Variants in C17orf67 observed in about 807,000 individuals in gnomAD.
C17orf67 encodes chromosome 17 open reading frame 67.
C17orf67 carries 12 observed loss-of-function variants against 11.2 expected under a neutral mutation model. The ratio of observed to expected loss-of-function variants is 1.07; its 90% CI spans 0.68 to 1.73. The LOEUF is 1.73. C17orf67 is among the 40% of genes most tolerant of loss of function. The pLI is 0.00. For synonymous variants in C17orf67, 59 were observed against 46.9 expected, an observed-to-expected ratio of 1.26 and a Z score of -1.05; for missense variants, 115 against 113.5, an observed-to-expected ratio of 1.01 and a Z score of -0.06.
chr17:56,816,603 G>A lies in C17orf67; in HGVS notation c.-200-593C>T, dbSNP rs536234710. 6.7e-4 allele frequency among the ~76,000 whole-genome samples: 102 copies of A among 152,256 alleles called. 1 individual carries two copies. Among genetic ancestry groups the A allele is most frequent in the African/African-American group, 2.2e-3 (92 of 41,542 alleles). ...TTATGGATGCCAAGGTAGAGCCTAC[G>A]TCTTCTGTCTTCAAACCTAGATCAT... On this transcript the variant is annotated intron_variant, in intron 4 of 7. Coordinates refer to ENST00000397861, the MANE Select transcript of C17orf67 (RefSeq NM_001085430.4).
At chr17:56,809,672 C>T (rs1905547522) in intron 6 of C17orf67, among the ~76,000 whole-genome samples, 1 of 144,756 alleles carries the variant, frequency 6.9e-6, no homozygotes. Context: ...TGCTCACACA[C>T]AGACCCTCAC....
chr17:56,833,391 C>T (rs1194122930), intron 1 of C17orf67, 49 bp from the exon 2 acceptor site: 1 of 152,740 alleles, frequency 6.5e-6, no homozygotes, highest in African/African-American at 2.4e-5. Flanking sequence ...TAGTCCCCGG[C>T]TCCCGCTGCT....
At chr17:56,803,721 A>G (rs1262817907) in intron 6 of C17orf67, 2 of 152,214 alleles carry the variant, frequency 1.3e-5, no homozygotes, top group African/African-American at 4.8e-5. Context: ...GGCCAAATGT[A>G]CATTAAAAGC....
chr17:56,797,596 C>T (rs571936669), intron 6 of C17orf67, among the ~76,000 whole-genome samples: 1 of 152,148 alleles, frequency 6.6e-6, no homozygotes, highest in Non-Finnish European at 1.5e-5. Flanking sequence ...TGAGGAGTGG[C>T]AGGTGTGCTA....
intron 2 of C17orf67, among the ~76,000 whole-genome samples, chr17:56,831,478 A>T (rs1906198785): frequency 6.6e-6 from 1 of 152,238 alleles, no homozygotes; most frequent in African/African-American, 2.4e-5. Flanking sequence ...AAGTGCTCAG[A>T]TGGACATAGG....
intron 4 of C17orf67, among the ~76,000 whole-genome samples, chr17:56,820,522 G>A (rs937885093): frequency 4.6e-5 from 7 of 152,032 alleles, no homozygotes; most frequent in African/African-American, 1.2e-4. Context: ...GGAAGAAACC[G>A]AAGTACCCAG....
intron 6 of C17orf67, among the ~76,000 whole-genome samples, chr17:56,802,986 C>T (rs906253707): frequency 6.6e-6 from 1 of 152,182 alleles, no homozygotes; most frequent in African/African-American, 2.4e-5. Flanking sequence ...GCAGTGGTAC[C>T]CAATTCTATT....
At chr17:56,832,137 G>A (rs997237250) in intron 2 of C17orf67, among the ~76,000 whole-genome samples, 5 of 152,006 alleles carry the variant, frequency 3.3e-5, no homozygotes, top group African/African-American at 9.7e-5. Context: ...TAGTAGAGAC[G>A]GGGTTTCACC....
At chr17:56,817,346 CCACA>C (rs1278851989) in intron 4 of C17orf67, among the ~76,000 whole-genome samples, 4 of 151,894 alleles carry the variant, frequency 2.6e-5, no homozygotes, top group African/African-American at 4.8e-5. Context: ...AATGTGCTGC[CCACA>C]CAGTCAACAT....
chr17:56,795,190 C>G lies in C17orf67; in HGVS notation c.157-10G>C. On this transcript the variant is annotated splice_polypyrimidine_tract_variant and intron_variant, in intron 6 of 7. Coordinates refer to ENST00000397861, the MANE Select transcript of C17orf67 (RefSeq NM_001085430.4). ...GGTGGTGCATGTATTCCTGTCAAAACAAACCACACTGAAGAAGGCTTCACC... is the reference window on the plus strand; with the variant it reads ...GGTGGTGCATGTATTCCTGTCAAAAGAAACCACACTGAAGAAGGCTTCACC... The G allele has an allele frequency of 6.2e-7, 1 of 1,612,800 alleles. No individual in the cohort carries two copies. Among genetic ancestry groups the G allele is most frequent in the Admixed American group, 1.7e-5 (1 of 60,012 alleles).
intron 4 of C17orf67, among the ~76,000 whole-genome samples, chr17:56,824,022 A>G (rs919879565): frequency 6.6e-6 from 1 of 152,240 alleles, no homozygotes; most frequent in Non-Finnish European, 1.5e-5. Context: ...AATGACTGCT[A>G]TGATTGGAGT....
At chr17:56,820,322 C>G (rs1905867918) in intron 4 of C17orf67, among the ~76,000 whole-genome samples, 1 of 152,130 alleles carries the variant, frequency 6.6e-6, no homozygotes, top group Non-Finnish European at 1.5e-5. Flanking sequence ...TTAATATTTA[C>G]CCACTTATTC....
intron 4 of C17orf67, 117 bp from the exon 5 acceptor site, chr17:56,816,127 G>A (rs1338880081): frequency 7.8e-6 from 2 of 257,284 alleles, no homozygotes; most frequent in Non-Finnish European, 1.5e-5. Context: ...ATGTTTGTGA[G>A]TGTTTCTCTG....
intron 4 of C17orf67, among the ~76,000 whole-genome samples, chr17:56,820,821 A>G (rs962781622): frequency 2.7e-5 from 4 of 146,250 alleles, no homozygotes; most frequent in African/African-American, 1.0e-4. Flanking sequence ...CAGATATTTA[A>G]GTGTCATTGA....
At chr17:56,814,053 C>T (rs1477787840) in intron 6 of C17orf67, among the ~76,000 whole-genome samples, 1 of 152,118 alleles carries the variant, frequency 6.6e-6, no homozygotes, top group African/African-American at 2.4e-5. Context: ...CGAGATTTTG[C>T]AGTGAATGAA....
chr17:56,806,627 C>T (rs978431678), intron 6 of C17orf67, among the ~76,000 whole-genome samples: 4 of 152,108 alleles, frequency 2.6e-5, no homozygotes, highest in African/African-American at 9.7e-5. Context: ...TGGGCTCAAT[C>T]GATCTCCCAC....
At chr17:56,801,591 A>G (rs1905323680) in intron 6 of C17orf67, among the ~76,000 whole-genome samples, 1 of 151,982 alleles carries the variant, frequency 6.6e-6, no homozygotes, top group South Asian at 2.1e-4. Context: ...TTTTCATTTA[A>G]CTCATCAAAA....
intron 2 of C17orf67, among the ~76,000 whole-genome samples, chr17:56,826,882 G>A: frequency 6.6e-6 from 1 of 152,194 alleles, no homozygotes; most frequent in Non-Finnish European, 1.5e-5. Context: ...AACCTACATG[G>A]TGCATAGCAA....
chr17:56,800,978 G>A (rs769286979), intron 6 of C17orf67, among the ~76,000 whole-genome samples: 3 of 152,266 alleles, frequency 2.0e-5, no homozygotes, highest in African/African-American at 4.8e-5. Flanking sequence ...AAGCCCAGGA[G>A]TTTGAGGCTT....
Sources: gnomAD v4.1 joint callset for allele counts (sites outside exome capture counted in the v4.1 genomes callset) on GRCh38, gnomAD v4.1.1 for gene constraint, MANE v1.5 for transcripts, NCBI Gene and HGNC (gene_info 2026-07-23, HGNC 2026-07-21) for gene names.